LDLRAD4: variants seen among roughly 807,000 people sequenced by gnomAD.
The protein encoded by LDLRAD4 is low density lipoprotein receptor class A domain containing 4.
LDLRAD4 carries 5 observed loss-of-function variants against 17.0 expected under a neutral mutation model. The ratio of observed to expected loss-of-function variants is 0.29; its 90% CI spans 0.15 to 0.62. The LOEUF (loss-of-function observed/expected upper bound fraction) is 0.62. LDLRAD4 is among the 20% of genes least tolerant of loss of function. The pLI, the probability that LDLRAD4 is intolerant of heterozygous loss-of-function variation, is 0.84. For synonymous variants in LDLRAD4, 168 were observed against 171.8 expected (o/e 0.98, Z 0.17); for missense variants, 340 against 424.7 (o/e 0.80, Z 1.75).
At chr18:13,533,286 T>A (rs1335675115) in intron 3 of LDLRAD4, among the ~76,000 whole-genome samples, 1 of 152,204 alleles carries the variant, frequency 6.6e-6, no homozygotes, top group Non-Finnish European at 1.5e-5. Flanking sequence ...TTTGATGTAT[T>A]TCTGGTCCCC....
At chr18:13,531,545 G>A (rs1263464926) in intron 3 of LDLRAD4, among the ~76,000 whole-genome samples, 6 of 145,084 alleles carry the variant, frequency 4.1e-5, no homozygotes, top group South Asian at 2.2e-4. Context: ...AGATATGACC[G>A]CACCACTGCA....
intron 1 of LDLRAD4, among the ~76,000 whole-genome samples, chr18:13,267,874 C>T (rs1440044536): frequency 3.3e-5 from 5 of 152,196 alleles, no homozygotes; most frequent in Non-Finnish European, 5.9e-5. Flanking sequence ...CATGGGCAGA[C>T]CAATGCATTG....
intron 1 of LDLRAD4, among the ~76,000 whole-genome samples, chr18:13,303,405 C>G (rs147185488): frequency 1.2e-3 from 184 of 152,234 alleles, no homozygotes; most frequent in African/African-American, 4.3e-3. Context: ...GCCACCATGC[C>G]AGCTAGTTTT....
At chr18:13,527,668 G>C (rs1008885651) in intron 3 of LDLRAD4, among the ~76,000 whole-genome samples, 2 of 152,238 alleles carry the variant, frequency 1.3e-5, no homozygotes, top group Non-Finnish European at 2.9e-5. Context: ...AGGCAGAAGA[G>C]AGAGCTCCGC....
chr18:13,385,207 C>G (rs938625325), intron 1 of LDLRAD4, among the ~76,000 whole-genome samples: 2 of 152,170 alleles, frequency 1.3e-5, no homozygotes, highest in Non-Finnish European at 2.9e-5. Context: ...CTCATTGTGG[C>G]TTTAATTTGC....
intron 1 of LDLRAD4, among the ~76,000 whole-genome samples, chr18:13,363,629 C>T (rs1350608446): frequency 6.6e-6 from 1 of 152,136 alleles, no homozygotes; most frequent in African/African-American, 2.4e-5. Flanking sequence ...GGCTTATGAC[C>T]TTGGCTTTCA....
intron 3 of LDLRAD4, among the ~76,000 whole-genome samples, chr18:13,595,214 T>C (rs1027401061): frequency 3.3e-5 from 5 of 152,130 alleles, no homozygotes; most frequent in African/African-American, 1.2e-4. Context: ...TTCTATTCTC[T>C]GTTTTGTTAC....
intron 3 of LDLRAD4, among the ~76,000 whole-genome samples, chr18:13,564,164 G>A (rs923635973): frequency 8.8e-4 from 134 of 152,320 alleles, no homozygotes; most frequent in African/African-American, 3.2e-3. Context: ...TTATAGGCGT[G>A]AGTCGACAGG....
chr18:13,339,727 G>C (rs1238965709), intron 1 of LDLRAD4, among the ~76,000 whole-genome samples: 1 of 152,126 alleles, frequency 6.6e-6, no homozygotes, highest in Non-Finnish European at 1.5e-5. Context: ...GAATTGATCA[G>C]TCTAGATCAA....
At chr18:13,250,386 T>C (rs1456737605) in intron 1 of LDLRAD4, among the ~76,000 whole-genome samples, 1 of 151,438 alleles carries the variant, frequency 6.6e-6, no homozygotes, top group East Asian at 1.9e-4. Flanking sequence ...AGGAAATAAG[T>C]AAAGATAAGA....
chr18:13,324,313 A>T (rs1163627991), intron 1 of LDLRAD4, among the ~76,000 whole-genome samples: 6 of 147,784 alleles, frequency 4.1e-5, no homozygotes, highest in East Asian at 2.1e-4. Flanking sequence ...AATTTTTCGT[A>T]TTTTTTTTTT....
intron 3 of LDLRAD4, among the ~76,000 whole-genome samples, chr18:13,606,998 A>C (rs888481714): frequency 2.0e-4 from 31 of 152,218 alleles, no homozygotes; most frequent in Non-Finnish European, 3.8e-4. Context: ...TTAGTGCCCC[A>C]AAAAATCGGG....
chr18:13,498,429 C>T (rs939480757), intron 3 of LDLRAD4, among the ~76,000 whole-genome samples: 40 of 146,948 alleles, frequency 2.7e-4, no homozygotes, highest in Non-Finnish European at 5.2e-4. Context: ...GAATCCTTCT[C>T]GCCACACACA....
At chr18:13,424,526 T>C (rs2089767951) in intron 2 of LDLRAD4, among the ~76,000 whole-genome samples, 1 of 152,046 alleles carries the variant, frequency 6.6e-6, no homozygotes, top group Non-Finnish European at 1.5e-5. Flanking sequence ...GCAAAGATAA[T>C]GACGTGGGTG....
intron 1 of LDLRAD4, among the ~76,000 whole-genome samples, chr18:13,328,455 C>T (rs2081653838): frequency 6.6e-6 from 1 of 152,250 alleles, no homozygotes; most frequent in Non-Finnish European, 1.5e-5. Context: ...GTGCCTGTTT[C>T]TGGCTTCTGG....
chr18:13,496,174 G>T (rs907115085), intron 3 of LDLRAD4, among the ~76,000 whole-genome samples: 81 of 152,204 alleles, frequency 5.3e-4, no homozygotes, highest in African/African-American at 1.9e-3. Context: ...TGGAGATTAG[G>T]TTAATCATAA....
intron 2 of LDLRAD4, among the ~76,000 whole-genome samples, chr18:13,405,414 C>T (rs1462334814): frequency 6.6e-6 from 1 of 151,932 alleles, no homozygotes; most frequent in Non-Finnish European, 1.5e-5. Context: ...AGTTCGTTGC[C>T]ACCATTTTTT....
At chr18:13,335,800 A>G (rs925091964) in intron 1 of LDLRAD4, among the ~76,000 whole-genome samples, 3 of 152,248 alleles carry the variant, frequency 2.0e-5, no homozygotes, top group African/African-American at 7.2e-5. Context: ...TTTGTGGCAT[A>G]GAGTATTACT....
At chr18:13,465,157 C>T (rs1431977868) in intron 3 of LDLRAD4, 1 of 152,204 alleles carries the variant, frequency 6.6e-6, no homozygotes, top group Non-Finnish European at 1.5e-5. Flanking sequence ...TGTGTTTAAC[C>T]TGCATAACAT....
Sources: gnomAD v4.1 joint callset for allele counts (sites outside exome capture counted in the v4.1 genomes callset) on GRCh38, gnomAD v4.1.1 for gene constraint, MANE v1.5 for transcripts, NCBI Gene and HGNC (gene_info 2026-07-23, HGNC 2026-07-21) for gene names.